Variants in CUX1 observed in about 807,000 individuals in gnomAD.
CUX1 encodes the protein cut like homeobox 1.
Under a neutral mutation model 158.8 loss-of-function variants are expected in CUX1, and 31 were observed. That is an observed-to-expected ratio of 0.20 (90% CI 0.15 to 0.26). CUX1 has a LOEUF of 0.26. CUX1 is among the 10% of genes least tolerant of loss of function. CUX1 has a pLI of 1.00. For missense variants in CUX1, 1,589 were observed against 2,014.6 expected (o/e 0.79, Z 4.04); for synonymous variants, 879 against 862.1 (o/e 1.02, Z -0.34).
At chr7:102,261,157 G>C (rs943128238), downstream of CUX1, among the ~76,000 whole-genome samples, 2 of 152,200 alleles carry the variant, frequency 1.3e-5, no homozygotes, top group South Asian at 2.1e-4. Context: ...CATTGCTGAA[G>C]TTCCTGTCTT....
chr7:101,886,013 C>T (rs1800186242), intron 1 of CUX1, among the ~76,000 whole-genome samples: 1 of 152,128 alleles, frequency 6.6e-6, no homozygotes, highest in East Asian at 1.9e-4. Context: ...CCAGCCTGTG[C>T]AGCCTGGCCC....
chr7:102,011,042 G>A (rs552706850), intron 2 of CUX1, among the ~76,000 whole-genome samples: 1 of 152,130 alleles, frequency 6.6e-6, no homozygotes, highest in Non-Finnish European at 1.5e-5. Flanking sequence ...GAACCTGGGA[G>A]GCGGAGGTTG....
At chr7:101,911,157 A>C (rs560453291) in intron 1 of CUX1, among the ~76,000 whole-genome samples, 2 of 152,412 alleles carry the variant, frequency 1.3e-5, no homozygotes, top group East Asian at 3.9e-4. Context: ...CTGCCCCTGC[A>C]GTGGACTGCC....
intron 8 of CUX1, among the ~76,000 whole-genome samples, chr7:102,121,974 A>G (rs1291574719): frequency 6.6e-6 from 1 of 152,126 alleles, no homozygotes; most frequent in African/African-American, 2.4e-5. Flanking sequence ...TGTATTTACC[A>G]TAGCAGATTG....
chr7:102,253,564 C>T lies in CUX1; in HGVS notation c.*4522C>T. 1.1e-5 allele frequency: 11 copies of T among 985,490 alleles called. No homozygotes were observed. Among genetic ancestry groups the T allele is most frequent in the Non-Finnish European group, 1.3e-5 (11 of 829,948 alleles). The allele number at this position is 985,490 out of a possible 1,614,324, so 61.0% of individuals were successfully genotyped here. On this transcript the variant is annotated 3_prime_UTR_variant, in exon 24 of 24. Coordinates refer to ENST00000292535, the MANE Select transcript of CUX1 (RefSeq NM_181552.4). The stretch of plus-strand genomic sequence containing the variant: ...ATTCTATGCAATGTTTTTCATTCCT[C>T]TGATTTTAGCAAAGCAAATCTTACT...
chr7:102,074,670 A>G (rs1188734136), intron 4 of CUX1, among the ~76,000 whole-genome samples: 1 of 151,806 alleles, frequency 6.6e-6, no homozygotes, highest in Non-Finnish European at 1.5e-5. Context: ...TGCACTGGTG[A>G]CTCTCAGAGC....
At chr7:101,852,197 T>C (rs1263638692) in intron 1 of CUX1, among the ~76,000 whole-genome samples, 1 of 152,158 alleles carries the variant, frequency 6.6e-6, no homozygotes, top group Non-Finnish European at 1.5e-5. Context: ...AACCTTCCAG[T>C]CTTTCTAAAC....
At chr7:101,885,387 C>T (rs1800121042) in intron 1 of CUX1, among the ~76,000 whole-genome samples, 1 of 152,096 alleles carries the variant, frequency 6.6e-6, no homozygotes. Flanking sequence ...AGGCAGGTCC[C>T]CTTGCAGGGT....
intron 2 of CUX1, among the ~76,000 whole-genome samples, chr7:102,003,934 G>A (rs1034615419): frequency 1.3e-5 from 2 of 152,060 alleles, no homozygotes; most frequent in East Asian, 3.9e-4. Context: ...TGAGGCCAGG[G>A]GTTTAGAACC....
intron 2 of CUX1, chr7:101,961,012 G>A (rs540240949): frequency 6.6e-6 from 1 of 152,534 alleles, no homozygotes; most frequent in African/African-American, 2.4e-5. Context: ...TAGCCTTCTG[G>A]CTTGGGCTGT....
chr7:101,938,424 G>A (rs543302775), intron 2 of CUX1, among the ~76,000 whole-genome samples: 1 of 152,266 alleles, frequency 6.6e-6, no homozygotes, highest in East Asian at 1.9e-4. Context: ...ACCATGTTTG[G>A]AGCCTGTTTT....
intron 4 of CUX1, among the ~76,000 whole-genome samples, chr7:102,072,007 A>T (rs1826187854): frequency 6.6e-6 from 1 of 152,220 alleles, no homozygotes; most frequent in Non-Finnish European, 1.5e-5. Flanking sequence ...TCCCTGAAGA[A>T]CCTGACTGAG....
At chr7:102,184,244 A>G (rs1422734373) in intron 11 of CUX1, among the ~76,000 whole-genome samples, 1 of 152,218 alleles carries the variant, frequency 6.6e-6, no homozygotes, top group Non-Finnish European at 1.5e-5. Context: ...TGCTAAAGCC[A>G]AAATAGTTGG....
At chr7:102,270,630 C>A (rs1207996593) in intron 14 of CUX1, among the ~76,000 whole-genome samples, 1 of 152,240 alleles carries the variant, frequency 6.6e-6, no homozygotes, top group Non-Finnish European at 1.5e-5. Flanking sequence ...TCCTATCACC[C>A]CAAGCCACCT....
chr7:101,852,342 G>C (rs1796345975), intron 1 of CUX1, among the ~76,000 whole-genome samples: 2 of 151,928 alleles, frequency 1.3e-5, no homozygotes, highest in Admixed American at 1.3e-4. Flanking sequence ...TTTTGGCCAG[G>C]CAAGGTGGCT....
chr7:101,962,386 T>C lies in CUX1; in HGVS notation c.141+46161T>C, dbSNP rs567369960. ...CCTTTCGGGATCTTCCGTTTAAGTT[T>C]TTGGATAATGAAAATTTGATCTTGA... On this transcript the variant is annotated intron_variant, in intron 2 of 23. Transcript: ENST00000292535. 2.0e-5 allele frequency among the ~76,000 whole-genome samples: 3 copies of C among 152,316 alleles called. No individual in the cohort carries two copies. The East Asian group carries it at 5.8e-4, about 29-fold the overall frequency.
chr7:102,184,010 A>G (rs1256994968), intron 11 of CUX1, among the ~76,000 whole-genome samples: 1 of 151,724 alleles, frequency 6.6e-6, no homozygotes, highest in Non-Finnish European at 1.5e-5. Flanking sequence ...GAATCCTCCC[A>G]CCTCAGCCTC....
chr7:102,081,390 T>C (rs1827386232), intron 4 of CUX1, among the ~76,000 whole-genome samples: 1 of 146,348 alleles, frequency 6.8e-6, no homozygotes, highest in South Asian at 2.2e-4. Context: ...AGGGAGGTGA[T>C]TGGATCATGG....
At chr7:102,041,256 C>CT (rs11427183) in intron 3 of CUX1, among the ~76,000 whole-genome samples, 24,889 of 69,382 alleles carry the variant, frequency 0.36, 8,828 homozygotes, top group East Asian at 0.55. Context: ...CTTATCCATT[C>CT]TTTTTTTTTT....
Sources: allele counts gnomAD v4.1 joint callset (sites outside exome capture counted in the v4.1 genomes callset), GRCh38; gene constraint gnomAD v4.1.1; transcripts MANE v1.5; gene names NCBI Gene and HGNC (gene_info 2026-07-23, HGNC 2026-07-21).